PABPC4L: variants seen among roughly 807,000 people sequenced by gnomAD.
PABPC4L encodes polyadenylate-binding protein 4-like.
For missense variants in PABPC4L, 452 were observed against 451.4 expected (o/e 1.00, Z -0.01); for synonymous variants, 169 against 164.1 (o/e 1.03, Z -0.23).
the PABPC4L span, among the ~76,000 whole-genome samples, chr4:134,074,640 C>T: frequency 1.3e-5 from 2 of 152,108 alleles, no homozygotes; most frequent in African/African-American, 2.4e-5. Flanking sequence ...TGGAGAAATA[C>T]CCAACACTGG....
chr4:134,056,017 T>G, the PABPC4L span, among the ~76,000 whole-genome samples: 1 of 152,024 alleles, frequency 6.6e-6, no homozygotes, highest in Non-Finnish European at 1.5e-5. Context: ...AGATTGAGTT[T>G]TATTTTTTAA....
the PABPC4L span, among the ~76,000 whole-genome samples, chr4:134,089,374 C>A: frequency 1.3e-5 from 2 of 152,082 alleles, no homozygotes; most frequent in Non-Finnish European, 2.9e-5. Flanking sequence ...ATATGCGTTG[C>A]AATTGATGAA....
the PABPC4L span, among the ~76,000 whole-genome samples, chr4:134,072,469 AT>A: frequency 6.6e-6 from 1 of 152,134 alleles, no homozygotes; most frequent in Non-Finnish European, 1.5e-5. Context: ...GTCAATTTTA[AT>A]TTTGTTTTAC....
chr4:133,956,205 C>T, the PABPC4L span, among the ~76,000 whole-genome samples: 1 of 152,056 alleles, frequency 6.6e-6, no homozygotes, highest in Non-Finnish European at 1.5e-5. Flanking sequence ...TTTAAGGATA[C>T]TTTTTGGAAT....
the PABPC4L span, among the ~76,000 whole-genome samples, chr4:134,146,563 T>C: frequency 6.6e-6 from 1 of 152,058 alleles, no homozygotes; most frequent in Non-Finnish European, 1.5e-5. Context: ...CTTTTGCTCC[T>C]GCAGTTTGGT....
the PABPC4L span, among the ~76,000 whole-genome samples, chr4:133,994,341 G>A: frequency 3.3e-5 from 5 of 152,040 alleles, no homozygotes; most frequent in South Asian, 2.1e-4. Context: ...GGGTATGGGC[G>A]GAATAATAAC....
chr4:134,135,310 C>T, the PABPC4L span, among the ~76,000 whole-genome samples: 1 of 152,010 alleles, frequency 6.6e-6, no homozygotes, highest in East Asian at 1.9e-4. Context: ...CAGCAATGAC[C>T]TAGGTCTCTG....
chr4:134,091,302 T>A, the PABPC4L span, among the ~76,000 whole-genome samples: 1 of 150,634 alleles, frequency 6.6e-6, no homozygotes, highest in Non-Finnish European at 1.5e-5. Context: ...AATGGGCAGT[T>A]TTTTTTTTAT....
At chr4:133,989,049 G>A in the PABPC4L span, among the ~76,000 whole-genome samples, 9 of 152,054 alleles carry the variant, frequency 5.9e-5, no homozygotes, top group Non-Finnish European at 1.2e-4. Flanking sequence ...TGAGACACAT[G>A]GCACCATGTC....
At chr4:134,064,799 G>A in the PABPC4L span, among the ~76,000 whole-genome samples, 8 of 151,908 alleles carry the variant, frequency 5.3e-5, no homozygotes, top group Non-Finnish European at 8.8e-5. Flanking sequence ...CCTTCTTTGT[G>A]TCCGTATGTA....
At chr4:134,098,917 G>T in the PABPC4L span, among the ~76,000 whole-genome samples, 1 of 151,644 alleles carries the variant, frequency 6.6e-6, no homozygotes, top group Non-Finnish European at 1.5e-5. Flanking sequence ...AGAACTGACT[G>T]TCGGAGTTCA....
the PABPC4L span, among the ~76,000 whole-genome samples, chr4:134,093,242 T>C: frequency 6.6e-6 from 1 of 151,788 alleles, no homozygotes; most frequent in Non-Finnish European, 1.5e-5. Flanking sequence ...TTTTAATTTA[T>C]CATTTTGCTT....
At chr4:133,959,690 G>A in the PABPC4L span, among the ~76,000 whole-genome samples, 5 of 152,236 alleles carry the variant, frequency 3.3e-5, no homozygotes, top group East Asian at 7.7e-4. Flanking sequence ...AAACACACAC[G>A]CACTGGGAGA....
the PABPC4L span, among the ~76,000 whole-genome samples, chr4:134,064,328 A>G: frequency 1.3e-5 from 2 of 152,028 alleles, no homozygotes; most frequent in African/African-American, 4.8e-5. Context: ...GTCTCAGGAC[A>G]CCTTATTATT....
chr4:133,992,306 T>G, the PABPC4L span, among the ~76,000 whole-genome samples: 5 of 152,234 alleles, frequency 3.3e-5, no homozygotes, highest in Non-Finnish European at 7.3e-5. Context: ...ATTACTTTTC[T>G]GGCTACATCC....
the PABPC4L span, among the ~76,000 whole-genome samples, chr4:134,166,457 G>A: frequency 6.6e-6 from 1 of 152,172 alleles, no homozygotes; most frequent in Non-Finnish European, 1.5e-5. Flanking sequence ...AGCCTGCAGA[G>A]GTCCCAGAAG....
At chr4:134,109,976 G>T in the PABPC4L span, among the ~76,000 whole-genome samples, 6 of 152,106 alleles carry the variant, frequency 3.9e-5, no homozygotes, top group Admixed American at 3.9e-4. Flanking sequence ...AAACTGCTTT[G>T]CAGAGCCCTG....
At chr4:134,071,566 C>A in the PABPC4L span, among the ~76,000 whole-genome samples, 3 of 152,082 alleles carry the variant, frequency 2.0e-5, no homozygotes, top group African/African-American at 4.8e-5. Context: ...CCTTTTGAGG[C>A]AAACTGTTAT....
chr4:134,062,795 A>C, the PABPC4L span, among the ~76,000 whole-genome samples: 1 of 152,126 alleles, frequency 6.6e-6, no homozygotes, highest in East Asian at 1.9e-4. Context: ...CTAGTTCTTA[A>C]AACTTTCATT....
Sources: gnomAD v4.1 joint callset for allele counts (sites outside exome capture counted in the v4.1 genomes callset) on GRCh38, gnomAD v4.1.1 for gene constraint, MANE v1.5 for transcripts, NCBI Gene and HGNC (gene_info 2026-07-23, HGNC 2026-07-21) for gene names.